TSHZ2: variants seen among roughly 807,000 people sequenced by gnomAD.
TSHZ2 encodes the protein teashirt zinc finger homeobox 2.
In TSHZ2, 21 loss-of-function variants were observed where a neutral mutation model predicts 74.4. That is an observed-to-expected ratio of 0.28 (90% CI 0.20 to 0.41). The LOEUF is 0.41. Ranked by LOEUF, TSHZ2 falls within the 10% of genes least tolerant of loss-of-function variation. The pLI is 1.00. For missense variants in TSHZ2, 1,244 were observed against 1,293.5 expected (o/e 0.96, Z 0.59); for synonymous variants, 540 against 515.3 (o/e 1.05, Z -0.65).
intron 2 of TSHZ2, among the ~76,000 whole-genome samples, chr20:53,319,804 C>T (rs909400356): frequency 4.6e-5 from 7 of 152,218 alleles, no homozygotes; most frequent in South Asian, 2.1e-4. Context: ...AAGCCTAGAG[C>T]GGAGCAAGCA....
intron 1 of TSHZ2, among the ~76,000 whole-genome samples, chr20:53,094,285 G>A (rs1466794830): frequency 6.6e-6 from 1 of 152,044 alleles, no homozygotes; most frequent in Non-Finnish European, 1.5e-5. Flanking sequence ...CGCTAGTTAT[G>A]TTTTTGTTTT....
At chr20:53,264,628 C>T (rs1033258044) in intron 2 of TSHZ2, among the ~76,000 whole-genome samples, 1 of 152,172 alleles carries the variant, frequency 6.6e-6, no homozygotes, top group Non-Finnish European at 1.5e-5. Flanking sequence ...CAAATATATG[C>T]CTTGCAAGCT....
At chr20:53,269,165 C>A (rs1172456587) in intron 2 of TSHZ2, among the ~76,000 whole-genome samples, 1 of 151,964 alleles carries the variant, frequency 6.6e-6, no homozygotes, top group African/African-American at 2.4e-5. Flanking sequence ...CTGGCACACA[C>A]AGCAAGTGCC....
At chr20:53,087,742 G>A (rs1273813118) in intron 1 of TSHZ2, among the ~76,000 whole-genome samples, 3 of 152,136 alleles carry the variant, frequency 2.0e-5, no homozygotes, top group Admixed American at 2.0e-4. Flanking sequence ...CTATTGATTC[G>A]GCCATTGGCA....
chr20:53,179,617 T>C (rs1207800130), intron 1 of TSHZ2: 2 of 152,254 alleles, frequency 1.3e-5, no homozygotes. Flanking sequence ...CTCTTGACTC[T>C]GAACATCTGG....
intron 2 of TSHZ2, among the ~76,000 whole-genome samples, chr20:53,343,290 G>A (rs1257160963): frequency 6.6e-6 from 1 of 152,066 alleles, no homozygotes; most frequent in Non-Finnish European, 1.5e-5. Flanking sequence ...CTAACAAGAC[G>A]GCAGGTGCGG....
At chr20:53,062,202 T>C (rs1984842288) in intron 1 of TSHZ2, among the ~76,000 whole-genome samples, 1 of 152,140 alleles carries the variant, frequency 6.6e-6, no homozygotes, top group South Asian at 2.1e-4. Context: ...ATCTGTAAAA[T>C]GGAAATTAAT....
At chr20:53,105,811 T>C (rs1363952672) in intron 1 of TSHZ2, among the ~76,000 whole-genome samples, 1 of 151,986 alleles carries the variant, frequency 6.6e-6, no homozygotes, top group Non-Finnish European at 1.5e-5. Context: ...CATGCTCAGC[T>C]AATTTTTATA....
At chr20:52,976,112 C>G (rs1600625073) in intron 1 of TSHZ2, among the ~76,000 whole-genome samples, 1 of 152,248 alleles carries the variant, frequency 6.6e-6, no homozygotes, top group East Asian at 1.9e-4. Context: ...GTTATAAGTT[C>G]CATGTTTCAA....
At chr20:53,148,858 A>G (rs1987607109) in intron 1 of TSHZ2, among the ~76,000 whole-genome samples, 1 of 152,196 alleles carries the variant, frequency 6.6e-6, no homozygotes, top group Admixed American at 6.5e-5. Flanking sequence ...AGGCTTAACA[A>G]ACAAAGCTCG....
chr20:53,408,152 C>A (rs534929081), intron 2 of TSHZ2, among the ~76,000 whole-genome samples: 2 of 152,292 alleles, frequency 1.3e-5, no homozygotes, highest in South Asian at 4.1e-4. Flanking sequence ...CCCCCTGAAT[C>A]CGCCAGGTGG....
At chr20:53,439,953 C>G (rs999526297) in intron 2 of TSHZ2, among the ~76,000 whole-genome samples, 14 of 152,126 alleles carry the variant, frequency 9.2e-5, no homozygotes, top group Non-Finnish European at 1.6e-4. Context: ...TTTAAATTAT[C>G]ACATTAGCTC....
At chr20:53,271,105 G>A (rs1247977064) in intron 2 of TSHZ2, among the ~76,000 whole-genome samples, 1 of 152,214 alleles carries the variant, frequency 6.6e-6, no homozygotes, top group African/African-American at 2.4e-5. Flanking sequence ...GCCTTTGTAA[G>A]TGGAGGGGAG....
chr20:53,001,222 G>GTGTGTGTGTGTGTGTATA (rs1555813597), intron 1 of TSHZ2, among the ~76,000 whole-genome samples: 59 of 147,378 alleles, frequency 4.0e-4, no homozygotes, highest in African/African-American at 1.4e-3. Flanking sequence ...GTGTGTGTGT[G>GTGTGTGTGTGTGTGTATA]TGTGTGTGTG....
At chr20:53,485,839 G>GA (rs1004035063) in intron 2 of TSHZ2, among the ~76,000 whole-genome samples, 11 of 151,996 alleles carry the variant, frequency 7.2e-5, no homozygotes, top group Non-Finnish European at 1.6e-4. Context: ...GCTTTATAGT[G>GA]AAAAAAATCA....
At chr20:53,395,509 A>C (rs1982413979) in intron 2 of TSHZ2, among the ~76,000 whole-genome samples, 2 of 152,234 alleles carry the variant, frequency 1.3e-5, no homozygotes, top group Admixed American at 6.5e-5. Context: ...TTCAATAAAT[A>C]ATGCAAAAAT....
intron 2 of TSHZ2, among the ~76,000 whole-genome samples, chr20:53,385,353 A>G (rs1982006532): frequency 6.6e-6 from 1 of 152,282 alleles, no homozygotes; most frequent in East Asian, 1.9e-4. Flanking sequence ...CTCAGAAGTG[A>G]GTACTGCACA....
intron 1 of TSHZ2, among the ~76,000 whole-genome samples, chr20:53,138,178 C>T (rs771607082): frequency 4.5e-4 from 69 of 151,972 alleles, no homozygotes; most frequent in Non-Finnish European, 1.5e-4. Context: ...GTCAGGAGAT[C>T]GCGACCATCC....
intron 2 of TSHZ2, among the ~76,000 whole-genome samples, chr20:53,354,022 C>A (rs769628704): frequency 2.0e-5 from 3 of 152,156 alleles, no homozygotes; most frequent in Non-Finnish European, 4.4e-5. Context: ...GACTGACTGA[C>A]CATAATGGAA....
Sources: gnomAD v4.1 joint callset for allele counts (sites outside exome capture counted in the v4.1 genomes callset) on GRCh38, gnomAD v4.1.1 for gene constraint, MANE v1.5 for transcripts, NCBI Gene and HGNC (gene_info 2026-07-23, HGNC 2026-07-21) for gene names.